HPCAL1: variants seen among roughly 807,000 people sequenced by gnomAD.
HPCAL1 encodes hippocalcin like 1.
A neutral mutation model predicts 17.1 loss-of-function variants in HPCAL1; 8 were observed. The ratio of observed to expected loss-of-function variants is 0.47; its 90% CI spans 0.27 to 0.84. HPCAL1 has a LOEUF of 0.84. Ranked by LOEUF, HPCAL1 falls within the 40% of genes least tolerant of loss-of-function variation. HPCAL1 has a pLI of 0.13. For synonymous variants in HPCAL1, 112 were observed against 111.4 expected (o/e 1.01, Z -0.03); for missense variants, 165 against 271.1 (o/e 0.61, Z 2.75).
intron 1 of HPCAL1, among the ~76,000 whole-genome samples, chr2:10,318,679 A>G (rs1007948413): frequency 6.6e-6 from 1 of 152,198 alleles, no homozygotes; most frequent in Non-Finnish European, 1.5e-5. Context: ...TCAGGCCCCA[A>G]GTGCCACGGG....
chr2:10,393,721 G>A (rs971118889), intron 1 of HPCAL1, among the ~76,000 whole-genome samples: 2 of 152,152 alleles, frequency 1.3e-5, no homozygotes, highest in African/African-American at 4.8e-5. Context: ...CTTGCTGAGC[G>A]TGCCAGCAGG....
chr2:10,334,614 T>G (rs1390176346), intron 1 of HPCAL1, among the ~76,000 whole-genome samples: 1 of 152,242 alleles, frequency 6.6e-6, no homozygotes, highest in Non-Finnish European at 1.5e-5. Context: ...ATTTTTAAGC[T>G]GTATCCATGT....
intron 1 of HPCAL1, among the ~76,000 whole-genome samples, chr2:10,382,584 T>G (rs566532579): frequency 7.7e-6 from 1 of 129,378 alleles, no homozygotes; most frequent in East Asian, 2.3e-4. Context: ...AAAAATAAAG[T>G]TCATTAATTA....
At position 10,419,420 on chromosome 2, in the gene HPCAL1, C is replaced by G. The variant is rs200692284; in HGVS notation, c.-24-314C>G. 1.3e-5 allele frequency among the ~76,000 whole-genome samples: 2 copies of G among 152,304 alleles called. No homozygotes were observed. Among genetic ancestry groups the G allele is most frequent in the South Asian group, 4.1e-4 (2 of 4,824 alleles). ...TAAGAACTGATTTTAATCTTCGCCT[C>G]TCGTACAACCCCTGGTGGGCACCGG... On this transcript the variant is annotated intron_variant, in intron 2 of 4. Coordinates refer to ENST00000307845, the MANE Select transcript of HPCAL1 (RefSeq NM_002149.4). The surrounding 1 kb of genome is among the most constrained non-coding windows in gnomAD (Gnocchi z 5.0).
intron 1 of HPCAL1, among the ~76,000 whole-genome samples, chr2:10,329,948 G>A (rs1664254279): frequency 6.6e-6 from 1 of 152,222 alleles, no homozygotes; most frequent in Non-Finnish European, 1.5e-5. Context: ...AGGCCATATC[G>A]AGCAGGGTAA....
At chr2:10,410,931 C>T (rs1420371906) in intron 2 of HPCAL1, among the ~76,000 whole-genome samples, 1 of 151,934 alleles carries the variant, frequency 6.6e-6, no homozygotes, top group Non-Finnish European at 1.5e-5. Flanking sequence ...CAGCATTCCC[C>T]CCGCCCCCCG....
intron 2 of HPCAL1, among the ~76,000 whole-genome samples, chr2:10,418,023 G>A (rs1670781928): frequency 6.6e-6 from 1 of 151,976 alleles, no homozygotes; most frequent in Admixed American, 6.6e-5. Flanking sequence ...GTGACAGAGT[G>A]AGAGCCTGTC....
chr2:10,358,160 G>T (rs943240841), intron 1 of HPCAL1, among the ~76,000 whole-genome samples: 2 of 152,212 alleles, frequency 1.3e-5, no homozygotes, highest in Non-Finnish European at 2.9e-5. Context: ...GGATGATTCC[G>T]GCCCCACTTT....
At chr2:10,397,045 G>A (rs1244341154) in intron 2 of HPCAL1, 125 bp downstream of exon 2, 1 of 152,298 alleles carries the variant, frequency 6.6e-6, no homozygotes. Flanking sequence ...AGCAGAAAGA[G>A]CAGGGAAGAC....
chr2:10,407,052 G>T (rs1670019783), intron 2 of HPCAL1, among the ~76,000 whole-genome samples: 1 of 152,138 alleles, frequency 6.6e-6, no homozygotes, highest in South Asian at 2.1e-4. Context: ...TCCAGGGAAT[G>T]ATCTCACTGG....
At chr2:10,417,914 T>C (rs1353316305) in intron 2 of HPCAL1, among the ~76,000 whole-genome samples, 3 of 151,484 alleles carry the variant, frequency 2.0e-5, no homozygotes, top group Non-Finnish European at 4.4e-5. Context: ...TGGTGGTGTG[T>C]GCCCATAGTC....
chr2:10,360,494 C>A (rs944102668), intron 1 of HPCAL1, among the ~76,000 whole-genome samples: 2 of 152,128 alleles, frequency 1.3e-5, no homozygotes, highest in Admixed American at 1.3e-4. Flanking sequence ...TCACTGTAAC[C>A]TCTGCCTTAC....
chr2:10,306,380 T>C (rs1474468683), intron 1 of HPCAL1, among the ~76,000 whole-genome samples: 1 of 152,156 alleles, frequency 6.6e-6, no homozygotes, highest in Non-Finnish European at 1.5e-5. Flanking sequence ...CAGACACTTG[T>C]AGATTTTAAT....
intron 1 of HPCAL1, among the ~76,000 whole-genome samples, chr2:10,346,407 G>A (rs887918926): frequency 6.6e-6 from 1 of 152,340 alleles, no homozygotes; most frequent in African/African-American, 2.4e-5. Flanking sequence ...AGTCTTGGGG[G>A]AGGTGCTCCC....
chr2:10,393,047 C>T (rs1668806918), intron 1 of HPCAL1, among the ~76,000 whole-genome samples: 1 of 152,358 alleles, frequency 6.6e-6, no homozygotes, highest in Non-Finnish European at 1.5e-5. Flanking sequence ...AGCAGTAGAT[C>T]TGTGCCCAGC....
Position 10,377,238 on chromosome 2 carries a change from C to T in HPCAL1, c.-110-19597C>T, listed in dbSNP as rs572388556. On this transcript the variant is annotated intron_variant, in intron 1 of 4. Transcript: ENST00000307845. This position sits in a 1 kb window ranked among gnomAD's most constrained non-coding sequence, Gnocchi z 5.9. Reference sequence around the variant, plus strand: ...GAGGAGGCTGCCACGCAGGCCGCGCCGCCCCGAATGGCAGGTGGAAGGCGG... The same window carrying T: ...GAGGAGGCTGCCACGCAGGCCGCGCTGCCCCGAATGGCAGGTGGAAGGCGG... Among the ~76,000 whole-genome samples, 15 of 152,288 alleles carry T rather than the reference C, an allele frequency of 9.8e-5. 1 individual carries two copies. The highest frequency in any genetic ancestry group is 4.1e-4 in the South Asian group (2 of 4,828).
At chr2:10,314,296 G>C (rs1473700358) in intron 1 of HPCAL1, among the ~76,000 whole-genome samples, 1 of 152,078 alleles carries the variant, frequency 6.6e-6, no homozygotes, top group Non-Finnish European at 1.5e-5. Flanking sequence ...TGGTGCAGGG[G>C]TGGGGGGTGG....
intron 2 of HPCAL1, among the ~76,000 whole-genome samples, chr2:10,411,779 A>G (rs1358867439): frequency 6.6e-6 from 1 of 152,104 alleles, no homozygotes; most frequent in East Asian, 1.9e-4. Flanking sequence ...CTGGAGAAAG[A>G]TCCTCCAGTC....
rs1001560453 is a variant in HPCAL1 at position 10,310,631 on chromosome 2, G to A, written c.-111+7454G>A. ...GACCCTGAGCTTGGTGGTGGGGGTTGCACAGAGAGAGCTGCAGGTTGTTCC... is the reference window on the plus strand; with the variant it reads ...GACCCTGAGCTTGGTGGTGGGGGTTACACAGAGAGAGCTGCAGGTTGTTCC... On this transcript the variant is annotated intron_variant, in intron 1 of 4. Transcript: ENST00000307845. This position sits in a 1 kb window ranked among gnomAD's most constrained non-coding sequence, Gnocchi z 4.5. 1.3e-5 allele frequency among the ~76,000 whole-genome samples: 2 copies of A among 152,132 alleles called. No individual in the cohort carries two copies. Among genetic ancestry groups the A allele is most frequent in the African/African-American group, 4.8e-5 (2 of 41,424 alleles).
Sources: gnomAD v4.1 joint callset for allele counts (sites outside exome capture counted in the v4.1 genomes callset) on GRCh38, gnomAD v4.1.1 for gene constraint, Gnocchi (gnomAD v3.1) non-coding constraint, MANE v1.5 for transcripts, NCBI Gene and HGNC (gene_info 2026-07-23, HGNC 2026-07-21) for gene names.